Variants in C17orf99 observed in about 807,000 individuals in gnomAD.
The protein encoded by C17orf99 is chromosome 17 open reading frame 99, also known as protein IL-40.
In C17orf99, 18 loss-of-function variants were observed where a neutral mutation model predicts 22.6. The ratio of observed to expected loss-of-function variants is 0.80; its 90% CI spans 0.55 to 1.18. The LOEUF is 1.18. Among genes scored for constraint, C17orf99 ranks in the 50% most tolerant of loss-of-function variants. The pLI is 0.00. For synonymous variants in C17orf99, 147 were observed against 136.6 expected (o/e 1.08, Z -0.53); for missense variants, 328 against 342.7 (o/e 0.96, Z 0.34).
At chr17:78,162,642 G>A (rs1217649006) in intron 3 of C17orf99, among the ~76,000 whole-genome samples, 2 of 151,892 alleles carry the variant, frequency 1.3e-5, no homozygotes, top group African/African-American at 4.8e-5. Flanking sequence ...TGCTTTATCT[G>A]CAAAAGGAAA....
At chr17:78,157,526 C>T (rs1031437965) in intron 2 of C17orf99, 50 of 1,040,444 alleles carry the variant, frequency 4.8e-5, no homozygotes, top group South Asian at 1.2e-4. Context: ...AGGCCGGGCG[C>T]GGTGGCTCAC....
rs1006467408 is a variant in C17orf99 at position 78,164,276 on chromosome 17, C to T, written c.552C>T (p.Phe184=). Residue 184 remains phenylalanine, a synonymous_variant, in exon 4 of 5, where the codon TTC becomes TTT. Transcript: ENST00000340363. ...PCHRQPANFS[F]LPSQTSDWFW... ...ACAGGCAGCCTGCCAACTTCTCCTT[C>T]CTGCCGAGCCAGACATCGGACTGGT... 6 of 1,551,586 alleles carry T rather than the reference C, an allele frequency of 3.9e-6. No homozygotes were observed. Among genetic ancestry groups the T allele is most frequent in the Non-Finnish European group, 5.2e-6 (6 of 1,147,010 alleles).
At position 78,165,990 on chromosome 17, in the gene C17orf99, G is replaced by A. The variant is rs915812933; in HGVS notation, c.742G>A (p.Gly248Arg). 2 of 1,498,232 alleles carry A rather than the reference G, an allele frequency of 1.3e-6. No individual in the cohort carries two copies. Among genetic ancestry groups the A allele is most frequent in the Non-Finnish European group, 1.8e-6 (2 of 1,114,360 alleles). 92.8% of individuals were successfully genotyped at this position (1,498,232 alleles called of 1,614,324 possible). A position where few individuals can be genotyped will look rare whatever the true frequency, so the allele number is the denominator to read the frequency against. ...CCGCCGTCTGAGTGAAGAGGAGTTT[G>A]GGGGGTTCAGGATAGGGAATGGGGA... The part of the protein sequence containing the change: ...STRRLSEEEF[G>R]GFRIGNGEVR... The change falls in exon 5 of 5, where the codon GGG becomes AGG. Residue 248 changes from glycine to arginine, a missense_variant. Transcript: ENST00000340363.
At chr17:78,157,823 A>T in intron 2 of C17orf99, 2 of 814,396 alleles carry the variant, frequency 2.5e-6, no homozygotes, top group South Asian at 3.1e-5. Context: ...AAAAAAAAAA[A>T]AGAATGGCTT....
chr17:78,146,851 C>G lies in C17orf99; in HGVS notation c.38-28C>G. On this transcript the variant is annotated intron_variant, in intron 1 of 4. Coordinates refer to ENST00000340363, the MANE Select transcript of C17orf99 (RefSeq NM_001163075.2). The surrounding 1 kb of genome is among the most constrained non-coding windows in gnomAD (Gnocchi z 5.2). ...TGGTCTCCCCTCCACACCAGGCCCT[C>G]TCCTTATCGCCCTTACCTCTCTTAC... is the stretch of plus-strand genomic sequence containing the variant. 1 of 1,550,674 alleles carries G rather than the reference C, an allele frequency of 6.4e-7. No homozygotes were observed. Among genetic ancestry groups the G allele is most frequent in the South Asian group, 1.2e-5 (1 of 84,016 alleles).
At chr17:78,148,346 A>AT (rs2075451949) in intron 2 of C17orf99, among the ~76,000 whole-genome samples, 2 of 152,026 alleles carry the variant, frequency 1.3e-5, no homozygotes, top group Admixed American at 6.6e-5. Context: ...TGCCCAGCTG[A>AT]TTTTTTTGTA....
chr17:78,162,061 A>C (rs1041350955), intron 3 of C17orf99, among the ~76,000 whole-genome samples: 13 of 151,904 alleles, frequency 8.6e-5, no homozygotes, highest in African/African-American at 3.1e-4. Context: ...GGATCACTTG[A>C]GCTCAGGAGT....
intron 3 of C17orf99, among the ~76,000 whole-genome samples, chr17:78,161,547 G>A (rs932963117): frequency 3.9e-5 from 6 of 152,092 alleles, no homozygotes; most frequent in Non-Finnish European, 5.9e-5. Flanking sequence ...TTGTCAGCTC[G>A]GACCTCAAGG....
At position 78,146,800 on chromosome 17, in the gene C17orf99, C is replaced by T. The variant is rs1360428210; in HGVS notation, c.38-79C>T. ...TCAGCCTGCTCCTCCCTCCTGGCTT[C>T]AGCAGGTGGGTCTCGAGGCTGTCTC... On this transcript the variant is annotated intron_variant, in intron 1 of 4. Coordinates refer to ENST00000340363, the MANE Select transcript of C17orf99 (RefSeq NM_001163075.2). The surrounding 1 kb of genome is among the most constrained non-coding windows in gnomAD (Gnocchi z 5.2). 4.4e-6 allele frequency: 6 copies of T among 1,367,592 alleles called. No homozygotes were observed. Among genetic ancestry groups the T allele is most frequent in the Non-Finnish European group, 6.1e-6 (6 of 981,280 alleles). The allele number at this position is 1,367,592 out of a possible 1,614,324, so 84.7% of individuals were successfully genotyped here. A position where few individuals can be genotyped will look rare whatever the true frequency, so the allele number is the denominator to read the frequency against.
chr17:78,158,451 C>T (rs1225084767), intron 2 of C17orf99: 6 of 200,728 alleles, frequency 3.0e-5, no homozygotes, highest in Admixed American at 1.6e-4. Context: ...CCCACTGCCA[C>T]GCCCGGCTAA....
chr17:78,151,533 C>G (rs920934659), intron 2 of C17orf99, among the ~76,000 whole-genome samples: 9 of 151,802 alleles, frequency 5.9e-5, no homozygotes, highest in Non-Finnish European at 1.2e-4. Context: ...TTCCAAGACT[C>G]AGAGTCTGCA....
intron 2 of C17orf99, among the ~76,000 whole-genome samples, chr17:78,152,766 C>T (rs1255130645): frequency 4.0e-5 from 6 of 151,764 alleles, no homozygotes; most frequent in South Asian, 4.2e-4. Context: ...AGCCACCACA[C>T]CCAGACAAGC....
chr17:78,153,218 C>T (rs1212966607), intron 2 of C17orf99, among the ~76,000 whole-genome samples: 1 of 152,024 alleles, frequency 6.6e-6, no homozygotes, highest in Non-Finnish European at 1.5e-5. Flanking sequence ...GGGACGGTGG[C>T]TCACCCTGTA....
chr17:78,154,631 T>G (rs749302862), intron 2 of C17orf99, among the ~76,000 whole-genome samples: 1 of 151,696 alleles, frequency 6.6e-6, no homozygotes, highest in African/African-American at 2.4e-5. Context: ...TCACCTGAGG[T>G]TGGGCGTTTG....
chr17:78,164,952 G>T, intron 4 of C17orf99: 3 of 1,147,364 alleles, frequency 2.6e-6, no homozygotes, highest in Non-Finnish European at 3.2e-6. Flanking sequence ...AGTCTCCTAA[G>T]TTCTTTATGG....
intron 2 of C17orf99, among the ~76,000 whole-genome samples, chr17:78,154,705 G>A (rs1317265351): frequency 6.6e-6 from 1 of 151,916 alleles, no homozygotes; most frequent in Non-Finnish European, 1.5e-5. Flanking sequence ...AGCCAGGCAT[G>A]GTGACGCATG....
intron 2 of C17orf99, among the ~76,000 whole-genome samples, chr17:78,149,028 A>G (rs1222747628): frequency 2.0e-5 from 3 of 151,884 alleles, no homozygotes; most frequent in Non-Finnish European, 4.4e-5. Flanking sequence ...TGGGATGAGG[A>G]CAGCCATGAA....
chr17:78,151,251 C>G (rs2075480347), intron 2 of C17orf99, among the ~76,000 whole-genome samples: 2 of 151,540 alleles, frequency 1.3e-5, no homozygotes, highest in Admixed American at 6.6e-5. Flanking sequence ...ATGCGGAAAC[C>G]CTGTCTCTAC....
chr17:78,161,249 G>A lies in C17orf99; in HGVS notation c.365G>A (p.Trp122Ter). 6.4e-7 allele frequency: 1 copy of A among 1,551,358 alleles called. No homozygotes were observed. Residue 122 changes from tryptophan to a stop codon, truncating the protein, a stop_gained, in exon 3 of 5, where the codon TGG (tryptophan) becomes TAG (stop). Coordinates refer to ENST00000340363, the MANE Select transcript of C17orf99 (RefSeq NM_001163075.2). LOFTEE classifies it high-confidence loss of function. Reference sequence around the variant, plus strand: ...AGGCTACAGATGCACTGGGAGCTGTGGTCCAGTGAGTGCGGTGGGGGGCAC... The same window carrying A: ...AGGCTACAGATGCACTGGGAGCTGTAGTCCAGTGAGTGCGGTGGGGGGCAC... ...SARLQMHWEL[W>*]SKPVSELRAN...
Sources: gnomAD v4.1 joint callset for allele counts (sites outside exome capture counted in the v4.1 genomes callset) on GRCh38, gnomAD v4.1.1 for gene constraint, Gnocchi (gnomAD v3.1) non-coding constraint, MANE v1.5 for transcripts, NCBI Gene and HGNC (gene_info 2026-07-23, HGNC 2026-07-21) for gene names.